MTUS2: variants seen among roughly 807,000 people sequenced by gnomAD.
MTUS2 encodes the protein microtubule-associated tumor suppressor candidate 2.
A neutral mutation model predicts 114.1 loss-of-function variants in MTUS2; 40 were observed. That is an observed-to-expected ratio of 0.35 (90% confidence interval 0.27 to 0.46). The LOEUF (loss-of-function observed/expected upper bound fraction) is 0.46. Among genes scored for constraint, MTUS2 ranks in the 20% least tolerant of loss-of-function variants. The pLI is 1.00. For missense variants in MTUS2, 1,679 were observed against 1,705.4 expected, an observed-to-expected ratio of 0.98 and a Z score of 0.27; for synonymous variants, 688 against 672.0, an observed-to-expected ratio of 1.02 and a Z score of -0.37.
At position 29,024,580 on chromosome 13, in the gene MTUS2, A is replaced by G; in HGVS notation, c.-119A>G. The G allele has an allele frequency of 8.1e-7, 1 of 1,231,938 alleles. No homozygotes were observed. Among genetic ancestry groups the G allele is most frequent in the South Asian group, 1.5e-5 (1 of 68,322 alleles). The allele number at this position is 1,231,938 out of a possible 1,614,324, so 76.3% of individuals were successfully genotyped here. On this transcript the variant is annotated 5_prime_UTR_variant, in exon 3 of 16. Coordinates refer to ENST00000612955, the MANE Select transcript of MTUS2 (RefSeq NM_001033602.4). ...ATGATTAAAGCAGTGTCGCAAGGTG[A>G]CATTGTCAGGGGAGAACAAGCAGCT...
At chr13:29,479,671 T>C (rs1271536736) in intron 9 of MTUS2, among the ~76,000 whole-genome samples, 1 of 152,244 alleles carries the variant, frequency 6.6e-6, no homozygotes, top group African/African-American at 2.4e-5. Flanking sequence ...GCTTCCATAG[T>C]GTGCAGCTCT....
rs905561179 is a variant in MTUS2, at chr13:28,991,677, A to G, written c.-242-32780A>G. 7.2e-5 allele frequency among the ~76,000 whole-genome samples: 11 copies of G among 152,144 alleles called. No homozygotes were observed. The South Asian group carries it at 8.3e-4, about 11-fold the overall frequency. On this transcript the variant is annotated intron_variant, in intron 2 of 15. Transcript: ENST00000612955. ...GCCACCGCGCCCGGGTGTTTCTTCA[A>G]TGTCTTTAAAATTTAATTTAATTTA...
chr13:28,966,138 G>C (rs1439956909), intron 2 of MTUS2, among the ~76,000 whole-genome samples: 1 of 152,138 alleles, frequency 6.6e-6, no homozygotes, highest in Non-Finnish European at 1.5e-5. Flanking sequence ...TGAAAAGCTA[G>C]AGCCTTTAAT....
At chr13:29,287,124 A>G (rs1898524116) in intron 6 of MTUS2, among the ~76,000 whole-genome samples, 1 of 152,262 alleles carries the variant, frequency 6.6e-6, no homozygotes, top group Non-Finnish European at 1.5e-5. Context: ...CGAGTTGTCC[A>G]AGGTCACACA....
intron 6 of MTUS2, among the ~76,000 whole-genome samples, chr13:29,292,445 G>C (rs1214275931): frequency 2.0e-5 from 3 of 152,156 alleles, no homozygotes; most frequent in Non-Finnish European, 2.9e-5. Context: ...TAATTCACAG[G>C]CGACTTGGAT....
intron 8 of MTUS2, among the ~76,000 whole-genome samples, chr13:29,373,832 T>C (rs956214980): frequency 1.3e-5 from 2 of 152,182 alleles, no homozygotes; most frequent in African/African-American, 2.4e-5. Context: ...TTTAAAACTA[T>C]TTAGCATACA....
chr13:28,826,507 A>G (rs1182762747), intron 1 of MTUS2, among the ~76,000 whole-genome samples: 3 of 152,206 alleles, frequency 2.0e-5, no homozygotes, highest in Non-Finnish European at 4.4e-5. Flanking sequence ...CCATTGTACC[A>G]GTATGTTCAG....
chr13:29,378,944 T>TGGTACCCCCATGCTGTTCTCATGATGGC (rs1871969024), intron 8 of MTUS2, among the ~76,000 whole-genome samples: 1 of 152,046 alleles, frequency 6.6e-6, no homozygotes, highest in African/African-American at 2.4e-5. Context: ...ATCATGGGGG[T>TGGTACCCCCATGCTGTTCTCATGATGGC]GGTCCCCCCA....
Position 28,901,335 on chromosome 13 carries a change from C to T in MTUS2, c.-243+61485C>T, listed in dbSNP as rs974376924. On this transcript the variant is annotated intron_variant, in intron 2 of 15. Coordinates refer to ENST00000612955, the MANE Select transcript of MTUS2 (RefSeq NM_001033602.4). ...GCTTCTCTTTTTATCCCCTTGACAGCGTCTTTCACTGAGCAAAACTTTTTA... is the reference window on the plus strand; with the variant it reads ...GCTTCTCTTTTTATCCCCTTGACAGTGTCTTTCACTGAGCAAAACTTTTTA... Among the ~76,000 whole-genome samples, 7 of 152,106 alleles carry T rather than the reference C, an allele frequency of 4.6e-5. No individual in the cohort carries two copies. In the East Asian group the frequency reaches 5.8e-4, roughly 13 times the overall value.
intron 5 of MTUS2, among the ~76,000 whole-genome samples, chr13:29,126,408 C>G (rs567936837): frequency 1.3e-5 from 2 of 152,182 alleles, no homozygotes; most frequent in African/African-American, 4.8e-5. Flanking sequence ...CTCCACCACA[C>G]TACAGAATTC....
At chr13:28,845,831 T>C (rs1407968148) in intron 2 of MTUS2, among the ~76,000 whole-genome samples, 2 of 151,896 alleles carry the variant, frequency 1.3e-5, no homozygotes, top group African/African-American at 4.8e-5. Flanking sequence ...ACAGTTTCCT[T>C]ACCTTAAAAG....
intron 2 of MTUS2, among the ~76,000 whole-genome samples, chr13:28,965,624 G>A (rs570702588): frequency 9.9e-5 from 15 of 152,190 alleles, no homozygotes; most frequent in South Asian, 8.3e-4. Flanking sequence ...GTGTGTGTGT[G>A]TATATATATG....
At chr13:28,836,745 A>G (rs7324513) in intron 1 of MTUS2, among the ~76,000 whole-genome samples, 33,197 of 152,030 alleles carry the variant, frequency 0.22, 4,066 homozygotes, top group Non-Finnish European at 0.26. Context: ...GAGATTGCTT[A>G]TAGCTTGGTT....
intron 5 of MTUS2, among the ~76,000 whole-genome samples, chr13:29,188,757 T>G (rs1894326061): frequency 1.3e-5 from 2 of 151,880 alleles, no homozygotes; most frequent in African/African-American, 4.8e-5. Flanking sequence ...TTCCCAGGAG[T>G]TCCCTTGCCT....
intron 8 of MTUS2, among the ~76,000 whole-genome samples, chr13:29,424,170 C>T (rs949480746): frequency 6.6e-6 from 1 of 151,828 alleles, no homozygotes; most frequent in Non-Finnish European, 1.5e-5. Context: ...GCCTGGCCAA[C>T]AATAATTTAT....
chr13:29,030,583 C>G (rs1886770105), intron 3 of MTUS2, among the ~76,000 whole-genome samples: 1 of 152,140 alleles, frequency 6.6e-6, no homozygotes, highest in Non-Finnish European at 1.5e-5. Context: ...TGTGTTTGAG[C>G]TCAGTGCAGG....
At chr13:29,441,053 T>C (rs908719086) in intron 9 of MTUS2, among the ~76,000 whole-genome samples, 4 of 152,196 alleles carry the variant, frequency 2.6e-5, no homozygotes, top group African/African-American at 9.7e-5. Flanking sequence ...AGGTCTGCAA[T>C]GGTCTCTTCT....
intron 8 of MTUS2, among the ~76,000 whole-genome samples, chr13:29,383,252 G>GTATATATATATATATATATTTATTTATT (rs1555271591): frequency 1.6e-3 from 221 of 135,960 alleles, no homozygotes; most frequent in East Asian, 4.4e-3. Context: ...GTGTGTGTGT[G>GTATATATATATATATATATTTATTTATT]TATTTATTTT....
chr13:29,406,995 C>T (rs1214535438), intron 8 of MTUS2, among the ~76,000 whole-genome samples: 1 of 152,210 alleles, frequency 6.6e-6, no homozygotes, highest in Non-Finnish European at 1.5e-5. Flanking sequence ...CCTGTAATCC[C>T]AGCACTTTGG....
Sources: allele counts gnomAD v4.1 joint callset (sites outside exome capture counted in the v4.1 genomes callset), GRCh38; gene constraint gnomAD v4.1.1; transcripts MANE v1.5; gene names NCBI Gene and HGNC (gene_info 2026-07-23, HGNC 2026-07-21).